The following TBC1D23 variants were observed in gnomAD, a reference collection of about 807,000 sequenced individuals.
The protein encoded by TBC1D23 is TBC1 domain family member 23, also known as HCV non-structural protein 4A-transactivated protein 1.
TBC1D23 carries 55 observed loss-of-function variants against 91.4 expected under a neutral mutation model. The observed-to-expected ratio is 0.60, with a 90% CI of 0.48 to 0.75. The LOEUF (loss-of-function observed/expected upper bound fraction) is 0.75, where lower values mean the gene tolerates loss of function less well. Ranked by LOEUF, TBC1D23 falls within the 30% of genes least tolerant of loss-of-function variation. TBC1D23 has a pLI of 0.00. For missense variants in TBC1D23, 725 were observed against 836.1 expected (o/e 0.87, Z 1.64); for synonymous variants, 289 against 281.0 (o/e 1.03, Z -0.28).
chr3:100,301,953 C>A, intron 10 of TBC1D23, 114 bp from the exon 11 acceptor site: 1 of 704,220 alleles, frequency 1.4e-6, no homozygotes, highest in Non-Finnish European at 2.4e-6. Context: ...TTTTCCCCTT[C>A]ATTTTCATTG....
intron 15 of TBC1D23, among the ~76,000 whole-genome samples, chr3:100,315,411 C>T (rs572347909): frequency 3.9e-5 from 6 of 152,224 alleles, no homozygotes; most frequent in African/African-American, 1.4e-4. Context: ...ATCCACCTAC[C>T]TCGGCCTCCC....
chr3:100,295,660 T>G (rs1423276656), intron 7 of TBC1D23, among the ~76,000 whole-genome samples: 1 of 152,186 alleles, frequency 6.6e-6, no homozygotes, highest in Non-Finnish European at 1.5e-5. Context: ...CTTTCAATAC[T>G]CAGTTTATAT....
At chr3:100,275,833 T>C (rs1337013332) in intron 1 of TBC1D23, among the ~76,000 whole-genome samples, 1 of 152,174 alleles carries the variant, frequency 6.6e-6, no homozygotes, top group African/African-American at 2.4e-5. Context: ...TATTTGGCAA[T>C]GAAAAGCATA....
rs545060501 is a variant in TBC1D23 at position 100,293,149 on chromosome 3, A to T, written c.601-1938A>T. On this transcript the variant is annotated intron_variant, in intron 5 of 18. Transcript: ENST00000394144. ...TGTTTACTTATTTATTTATTTATTT[A>T]TTTTGTGAGACGGAGTCTCTTTCAC... Among the ~76,000 whole-genome samples the T allele has an allele frequency of 4.6e-3, 691 of 151,542 alleles. 2 individuals are homozygous for T. Among genetic ancestry groups the T allele is most frequent in the Non-Finnish European group, 6.2e-3 (419 of 67,792 alleles).
At chr3:100,299,162 G>C in intron 9 of TBC1D23, 77 bp from the exon 10 acceptor site, 1 of 913,440 alleles carries the variant, frequency 1.1e-6, no homozygotes, top group South Asian at 1.6e-5. Flanking sequence ...CCTTTATTTG[G>C]TTAACTGTGA....
At chr3:100,297,837 C>T in intron 8 of TBC1D23, 86 bp from the exon 9 acceptor site, 2 of 1,152,028 alleles carry the variant, frequency 1.7e-6, no homozygotes, top group Non-Finnish European at 2.4e-6. Flanking sequence ...TATAATTTTA[C>T]CTTTTATCAT....
chr3:100,306,296 G>A (rs747891626), intron 12 of TBC1D23, 141 bp from the exon 13 acceptor site: 17 of 576,856 alleles, frequency 2.9e-5, no homozygotes, highest in East Asian at 5.8e-5. Flanking sequence ...CTTTACAGAC[G>A]TGCAGAAAGA....
chr3:100,283,222 A>G (rs2067709893), intron 3 of TBC1D23, among the ~76,000 whole-genome samples: 1 of 152,088 alleles, frequency 6.6e-6, no homozygotes, highest in Admixed American at 6.5e-5. Context: ...AAAGTACAAA[A>G]ATTTAGTTGG....
intron 10 of TBC1D23, among the ~76,000 whole-genome samples, chr3:100,300,090 GTACT>G (rs1375212679): frequency 2.6e-5 from 4 of 152,132 alleles, no homozygotes; most frequent in Non-Finnish European, 4.4e-5. Flanking sequence ...TGGCATATAA[GTACT>G]TAGTTATTAA....
chr3:100,303,820 G>T (rs1474311860), intron 11 of TBC1D23, among the ~76,000 whole-genome samples: 3 of 152,010 alleles, frequency 2.0e-5, no homozygotes, highest in Non-Finnish European at 4.4e-5. Context: ...ACTGTATATT[G>T]TAAGGGCTGT....
chr3:100,291,580 C>G (rs1418181542), intron 5 of TBC1D23, among the ~76,000 whole-genome samples: 2 of 136,354 alleles, frequency 1.5e-5, no homozygotes, highest in African/African-American at 5.5e-5. Flanking sequence ...GAGACTCTGT[C>G]TCAAAAAAAA....
At chr3:100,310,284 G>A (rs1170966385) in intron 13 of TBC1D23, 119 bp from the exon 14 acceptor site, 1 of 847,302 alleles carries the variant, frequency 1.2e-6, no homozygotes, top group Non-Finnish European at 1.9e-6. Flanking sequence ...TGGGAGTTAG[G>A]ACTTCAACAT....
chr3:100,271,995 C>T (rs994014949), intron 1 of TBC1D23, among the ~76,000 whole-genome samples: 15 of 152,156 alleles, frequency 9.9e-5, no homozygotes, highest in African/African-American at 3.4e-4. Context: ...GCTTTTCTAA[C>T]GAATCCATGC....
At chr3:100,266,003 A>G (rs1400608539) in intron 1 of TBC1D23, among the ~76,000 whole-genome samples, 1 of 152,186 alleles carries the variant, frequency 6.6e-6, no homozygotes, top group Admixed American at 6.5e-5. Flanking sequence ...GATATAATCA[A>G]TAAAGAAATA....
chr3:100,263,913 G>C (rs2067535971), intron 1 of TBC1D23, among the ~76,000 whole-genome samples: 1 of 152,152 alleles, frequency 6.6e-6, no homozygotes, highest in Non-Finnish European at 1.5e-5. Flanking sequence ...TTGTAGGATT[G>C]ATGTATCTTT....
At chr3:100,270,313 A>G (rs536224804) in intron 1 of TBC1D23, among the ~76,000 whole-genome samples, 1 of 152,328 alleles carries the variant, frequency 6.6e-6, no homozygotes, top group Admixed American at 6.5e-5. Flanking sequence ...GAAAATCTAA[A>G]TGAGAGTGTT....
chr3:100,303,964 C>T (rs1353946640), intron 11 of TBC1D23, among the ~76,000 whole-genome samples: 1 of 151,856 alleles, frequency 6.6e-6, no homozygotes, highest in Non-Finnish European at 1.5e-5. Context: ...GAACTGAATG[C>T]CATAAACTCA....
At chr3:100,266,676 T>C (rs1480939071) in intron 1 of TBC1D23, among the ~76,000 whole-genome samples, 1 of 152,242 alleles carries the variant, frequency 6.6e-6, no homozygotes, top group Non-Finnish European at 1.5e-5. Context: ...TAAATAAATG[T>C]ATTTCAATTA....
At chr3:100,306,004 C>T (rs761975763) in intron 12 of TBC1D23, among the ~76,000 whole-genome samples, 5 of 152,082 alleles carry the variant, frequency 3.3e-5, no homozygotes, top group South Asian at 2.1e-4. Flanking sequence ...TCTCTCTTTC[C>T]GTAACTGTTA....
Sources: gnomAD v4.1 joint callset for allele counts (sites outside exome capture counted in the v4.1 genomes callset) on GRCh38, gnomAD v4.1.1 for gene constraint, MANE v1.5 for transcripts, NCBI Gene and HGNC (gene_info 2026-07-23, HGNC 2026-07-21) for gene names.